Variants in LARGE1 observed in about 807,000 individuals in gnomAD.
The protein encoded by LARGE1 is LARGE xylosyl- and glucuronyltransferase 1, also known as xylosyl- and glucuronyltransferase LARGE1.
LARGE1 carries 43 observed loss-of-function variants against 87.6 expected under a neutral mutation model. The ratio of observed to expected loss-of-function variants is 0.49; its 90% CI spans 0.38 to 0.63. The LOEUF (loss-of-function observed/expected upper bound fraction) is 0.63, where lower values mean the gene tolerates loss of function less well. Ranked by LOEUF, LARGE1 falls within the 30% of genes least tolerant of loss-of-function variation. LARGE1 has a pLI of 0.00. For synonymous variants in LARGE1, 434 were observed against 394.6 expected (o/e 1.10, Z -1.18); for missense variants, 802 against 1,000.2 (o/e 0.80, Z 2.67).
At chr22:33,902,773 C>T (rs530579125) in intron 1 of LARGE1, among the ~76,000 whole-genome samples, 1 of 152,308 alleles carries the variant, frequency 6.6e-6, no homozygotes, top group East Asian at 1.9e-4. Context: ...CCCCCAACTT[C>T]GTATGTTGAA....
intron 9 of LARGE1, among the ~76,000 whole-genome samples, chr22:33,347,253 T>C (rs1210809041): frequency 1.3e-5 from 2 of 152,244 alleles, no homozygotes; most frequent in East Asian, 3.8e-4. Flanking sequence ...TGCATGCTTC[T>C]TGTAATTATT....
chr22:33,722,796 T>C (rs1376552083), intron 2 of LARGE1, among the ~76,000 whole-genome samples: 2 of 152,096 alleles, frequency 1.3e-5, no homozygotes, highest in Admixed American at 6.5e-5. Flanking sequence ...GGACCCTGCA[T>C]GAGTTAACAA....
chr22:33,578,975 C>T (rs971278743), intron 5 of LARGE1, among the ~76,000 whole-genome samples: 2 of 152,140 alleles, frequency 1.3e-5, no homozygotes, highest in African/African-American at 2.4e-5. Flanking sequence ...TGGCCAGTAA[C>T]GCTCTACTGA....
At position 33,249,356 on chromosome 22, in the gene LARGE1, T is replaced by TA. The variant is rs572499938; in HGVS notation, c.1730+54872dup. ...TGCATATCTTTGGTGAGATGTCTGT[T>TA]AAAGTCTTTGGCACATTTACTAAGC... On this transcript the variant is annotated intron_variant, in intron 11 of 11. Coordinates refer to the LARGE1 transcript ENST00000608642. 2.0e-3 allele frequency among the ~76,000 whole-genome samples: 298 copies of TA among 152,348 alleles called. 1 individual carries two copies. Among genetic ancestry groups the TA allele is most frequent in the African/African-American group, 6.5e-3 (269 of 41,584 alleles).
intron 11 of LARGE1, among the ~76,000 whole-genome samples, chr22:33,211,615 T>C (rs564897073): frequency 6.6e-6 from 1 of 151,658 alleles, no homozygotes; most frequent in East Asian, 1.9e-4. Flanking sequence ...CTACTAAAAA[T>C]ACAAAAGATT....
chr22:33,109,434 TC>T, the LARGE1 span, among the ~76,000 whole-genome samples: 3 of 152,096 alleles, frequency 2.0e-5, no homozygotes, highest in Non-Finnish European at 4.4e-5. Flanking sequence ...CAAGTGATCT[TC>T]CCGTCTCAGC....
intron 4 of LARGE1, among the ~76,000 whole-genome samples, chr22:33,607,955 A>G (rs1288516387): frequency 2.0e-5 from 3 of 152,172 alleles, no homozygotes; most frequent in African/African-American, 7.2e-5. Context: ...TAAATGCCCT[A>G]TAAGAAGCTG....
chr22:33,790,936 G>T (rs1056069478), intron 1 of LARGE1, among the ~76,000 whole-genome samples: 1 of 151,986 alleles, frequency 6.6e-6, no homozygotes, highest in African/African-American at 2.4e-5. Flanking sequence ...GCTTTAAAAG[G>T]CCCACAAGCA....
chr22:33,784,714 T>C (rs1483699030), intron 1 of LARGE1, among the ~76,000 whole-genome samples: 2 of 152,094 alleles, frequency 1.3e-5, no homozygotes, highest in African/African-American at 2.4e-5. Context: ...ATTTTATTTA[T>C]ATACACACAT....
intron 6 of LARGE1, among the ~76,000 whole-genome samples, chr22:33,558,392 G>A (rs1330750117): frequency 6.6e-6 from 1 of 152,170 alleles, no homozygotes; most frequent in Non-Finnish European, 1.5e-5. Context: ...CTTAACCACA[G>A]GAGAGAGGAG....
intron 7 of LARGE1, among the ~76,000 whole-genome samples, chr22:33,395,950 G>A (rs1045614473): frequency 6.6e-6 from 1 of 152,204 alleles, no homozygotes; most frequent in Non-Finnish European, 1.5e-5. Flanking sequence ...CTGTCAGAAC[G>A]ATTTGCCCCT....
chr22:33,132,561 C>T, the LARGE1 span, among the ~76,000 whole-genome samples: 1 of 106,496 alleles, frequency 9.4e-6, no homozygotes, highest in Non-Finnish European at 2.1e-5. Context: ...TTTGGAAGCT[C>T]AAGTTTTTAT....
intron 7 of LARGE1, among the ~76,000 whole-genome samples, chr22:33,411,788 T>G (rs139158541): frequency 6.6e-6 from 1 of 152,200 alleles, no homozygotes; most frequent in Admixed American, 6.5e-5. Flanking sequence ...CTCCATCAAA[T>G]GGCAAAACTA....
intron 1 of LARGE1, among the ~76,000 whole-genome samples, chr22:33,775,505 G>T (rs978067660): frequency 1.7e-4 from 1 of 5,898 alleles, no homozygotes; most frequent in Non-Finnish European, 2.8e-4. Context: ...CTCAATAGGG[G>T]GTAATTTACC....
intron 9 of LARGE1, among the ~76,000 whole-genome samples, chr22:33,344,031 C>T (rs2146655580): frequency 6.6e-6 from 1 of 152,240 alleles, no homozygotes; most frequent in African/African-American, 2.4e-5. Flanking sequence ...GCCAGTCTCT[C>T]CTTTTCACAT....
At chr22:33,736,255 C>A (rs1379448498) in intron 2 of LARGE1, among the ~76,000 whole-genome samples, 1 of 152,214 alleles carries the variant, frequency 6.6e-6, no homozygotes, top group Non-Finnish European at 1.5e-5. Context: ...TATATTCCCA[C>A]CGGCAATGTA....
chr22:33,327,522 C>T (rs755608152), intron 10 of LARGE1, among the ~76,000 whole-genome samples: 1 of 152,108 alleles, frequency 6.6e-6, no homozygotes, highest in Admixed American at 6.6e-5. Flanking sequence ...ATGGGAAAAC[C>T]GAGGTTCATG....
chr22:33,119,729 T>C, the LARGE1 span, among the ~76,000 whole-genome samples: 68 of 152,236 alleles, frequency 4.5e-4, 1 homozygote, highest in Middle Eastern at 6.8e-3. Flanking sequence ...CCCTGAGGGG[T>C]CTTTTTGTAA....
chr22:33,453,579 C>T (rs1173534649), intron 6 of LARGE1, among the ~76,000 whole-genome samples: 1 of 152,184 alleles, frequency 6.6e-6, no homozygotes, highest in Non-Finnish European at 1.5e-5. Context: ...ATGGTTCACT[C>T]TTATCACTGA....
Sources: allele counts gnomAD v4.1 joint callset (sites outside exome capture counted in the v4.1 genomes callset), GRCh38; gene constraint gnomAD v4.1.1; transcripts MANE v1.5; gene names NCBI Gene and HGNC (gene_info 2026-07-23, HGNC 2026-07-21).